CDK6: variants seen among roughly 807,000 people sequenced by gnomAD.
CDK6 encodes the protein cyclin dependent kinase 6.
A neutral mutation model predicts 37.1 loss-of-function variants in CDK6; 6 were observed. The observed-to-expected ratio is 0.16, with a 90% CI of 0.09 to 0.32. The LOEUF (loss-of-function observed/expected upper bound fraction) is 0.32, where lower values mean the gene tolerates loss of function less well. Among genes scored for constraint, CDK6 ranks in the 10% least tolerant of loss-of-function variants. The pLI, the probability that CDK6 is intolerant of heterozygous loss-of-function variation, is 1.00. For synonymous variants in CDK6, 160 were observed against 161.3 expected (o/e 0.99, Z 0.06); for missense variants, 224 against 418.9 (o/e 0.53, Z 4.06).
intron 4 of CDK6, chr7:92,701,933 C>T (rs561595674): frequency 3.9e-4 from 59 of 152,286 alleles, no homozygotes; most frequent in African/African-American, 1.1e-3. Flanking sequence ...TATTTTTGAG[C>T]ACATACTCGT....
At chr7:92,657,187 C>T (rs564009924) in intron 5 of CDK6, among the ~76,000 whole-genome samples, 1 of 152,168 alleles carries the variant, frequency 6.6e-6, no homozygotes, top group East Asian at 1.9e-4. Context: ...GGCTTCTGGA[C>T]CTCAAGCTGA....
At chr7:92,646,081 C>T (rs1346269486) in intron 5 of CDK6, among the ~76,000 whole-genome samples, 7 of 152,176 alleles carry the variant, frequency 4.6e-5, no homozygotes, top group African/African-American at 1.7e-4. Context: ...TAATGAAGTT[C>T]TTGTTAAATA....
Position 92,616,819 on chromosome 7 carries a change from G to A in CDK6, c.834+1253C>T, listed in dbSNP as rs1438524574. ...AAGCTGGGAAGAGGGTGGAGAGAAG[G>A]AGAACACCTTAGCCAAATGTGGGGG... On this transcript the variant is annotated intron_variant, in intron 7 of 7. Transcript: ENST00000424848. Among the ~76,000 whole-genome samples, 4 of 152,140 alleles carry A rather than the reference G, an allele frequency of 2.6e-5. No individual in the cohort carries two copies. In the South Asian group the frequency reaches 8.3e-4, roughly 32 times the overall value.
chr7:92,618,131 C>G lies in CDK6; in HGVS notation c.775G>C (p.Ala259Pro), dbSNP rs772153440. ...GTTACAAACTTCTCAATTGGTTGGG[C>G]AGATTTTGAATGAAAAGCCTGCCTG... ...LPRQAFHSKS[A>P]QPIEKFVTDI... The change falls in exon 7 of 8, where the codon GCC becomes CCC. Residue 259 changes from alanine to proline, a missense_variant. This residue lies in a region of CDK6 where 90 missense variants were observed against 136.2 expected (regional missense o/e 0.66). Coordinates refer to ENST00000424848, the MANE Select transcript of CDK6 (RefSeq NM_001145306.2). 1 of 1,614,154 alleles carries G rather than the reference C, an allele frequency of 6.2e-7. No individual in the cohort carries two copies. Among genetic ancestry groups the G allele is most frequent in the Non-Finnish European group, 8.5e-7 (1 of 1,179,998 alleles).
intron 4 of CDK6, among the ~76,000 whole-genome samples, chr7:92,695,352 T>C (rs1168457873): frequency 6.6e-6 from 1 of 151,804 alleles, no homozygotes; most frequent in Non-Finnish European, 1.5e-5. Context: ...ATAAGTGCTT[T>C]CATGTTTCCA....
At chr7:92,729,989 C>T (rs1648164633) in intron 3 of CDK6, among the ~76,000 whole-genome samples, 1 of 152,232 alleles carries the variant, frequency 6.6e-6, no homozygotes, top group Admixed American at 6.5e-5. Flanking sequence ...ATGAATCCTT[C>T]CGCCTTGGCC....
chr7:92,803,115 G>A (rs1382827420), intron 2 of CDK6, among the ~76,000 whole-genome samples: 1 of 152,044 alleles, frequency 6.6e-6, no homozygotes, highest in Non-Finnish European at 1.5e-5. Context: ...TACTGTATTT[G>A]TACATATCAT....
intron 3 of CDK6, among the ~76,000 whole-genome samples, chr7:92,758,524 T>C (rs1014654072): frequency 6.6e-6 from 1 of 152,172 alleles, no homozygotes; most frequent in African/African-American, 2.4e-5. Flanking sequence ...CGTGCTGCTT[T>C]GGTTACTGCA....
At chr7:92,630,279 A>ATTAT (rs3042470) in intron 5 of CDK6, among the ~76,000 whole-genome samples, 21,512 of 146,748 alleles carry the variant, frequency 0.15, 1,852 homozygotes, top group Admixed American at 0.2. Context: ...GCCAAATTAC[A>ATTAT]TTATTTATTT....
chr7:92,761,360 C>T (rs1380003684), intron 3 of CDK6, among the ~76,000 whole-genome samples: 2 of 152,118 alleles, frequency 1.3e-5, no homozygotes, highest in Non-Finnish European at 2.9e-5. Context: ...ACAGGCCACT[C>T]GTTTGGTATC....
At chr7:92,634,726 A>G (rs1286893586) in intron 5 of CDK6, among the ~76,000 whole-genome samples, 1 of 152,098 alleles carries the variant, frequency 6.6e-6, no homozygotes, top group Non-Finnish European at 1.5e-5. Flanking sequence ...CAAGTTTTAT[A>G]GTTTTCTTGA....
intron 4 of CDK6, among the ~76,000 whole-genome samples, chr7:92,707,470 A>G (rs1173579749): frequency 6.6e-6 from 1 of 152,224 alleles, no homozygotes; most frequent in Non-Finnish European, 1.5e-5. Context: ...CTCTTTGCCT[A>G]TATTTGAAAA....
chr7:92,655,894 C>G (rs73710428), intron 5 of CDK6, among the ~76,000 whole-genome samples: 2 of 152,250 alleles, frequency 1.3e-5, no homozygotes, highest in Admixed American at 6.5e-5. Flanking sequence ...CATACACACA[C>G]GCTCCTAAGC....
In CDK6 at chr7:92,833,461, C is replaced by A; in HGVS notation, c.-138G>T. 1.6e-6 allele frequency: 1 copy of A among 624,316 alleles called. No individual in the cohort carries two copies. Among genetic ancestry groups the A allele is most frequent in the Non-Finnish European group, 2.7e-6 (1 of 375,196 alleles). The allele number at this position is 624,316 out of a possible 1,614,324, so 38.7% of individuals were successfully genotyped here. On this transcript the variant is annotated 5_prime_UTR_variant, in exon 2 of 8. Transcript: ENST00000424848. This position sits in a 1 kb window ranked among gnomAD's most constrained non-coding sequence, Gnocchi z 6.1. ...TACTTGCTCCCCGCCGGCTCAGGCG[C>A]TCGGGCGCTGGGGCTTTCGCCGCTG...
Position 92,833,004 on chromosome 7 carries a change from G to T in CDK6, c.233+87C>A. Reference sequence around the variant, plus strand: ...GACCTCCCCAGTCGCCCTCTGCCCCGCACCTTTCTGGGCCTGAGGATTCCC... The same window carrying T: ...GACCTCCCCAGTCGCCCTCTGCCCCTCACCTTTCTGGGCCTGAGGATTCCC... On this transcript the variant is annotated intron_variant, in intron 2 of 7. Coordinates refer to ENST00000424848, the MANE Select transcript of CDK6 (RefSeq NM_001145306.2). The surrounding 1 kb of genome is among the most constrained non-coding windows in gnomAD (Gnocchi z 6.1). 1 of 942,456 alleles carries T rather than the reference G, an allele frequency of 1.1e-6. No individual in the cohort carries two copies. The highest frequency in any genetic ancestry group is 1.6e-6 in the Non-Finnish European group (1 of 622,644). The allele number at this position is 942,456 out of a possible 1,614,324, so 58.4% of individuals were successfully genotyped here.
chr7:92,736,025 GT>G (rs1182800175), intron 3 of CDK6, among the ~76,000 whole-genome samples: 2 of 152,076 alleles, frequency 1.3e-5, no homozygotes, highest in African/African-American at 4.8e-5. Context: ...AGAGCACTGG[GT>G]TTTGAGCTAA....
intron 3 of CDK6, among the ~76,000 whole-genome samples, chr7:92,755,694 G>A (rs1799299637): frequency 6.6e-6 from 1 of 152,158 alleles, no homozygotes; most frequent in Non-Finnish European, 1.5e-5. Context: ...AAGTGCATTA[G>A]ATATAAAAAG....
At chr7:92,622,988 A>G in intron 6 of CDK6, 48 bp downstream of exon 6, 2 of 1,168,772 alleles carry the variant, frequency 1.7e-6, no homozygotes, top group Non-Finnish European at 1.3e-6. Context: ...GTCACTGTAA[A>G]TGTTTTAATG....
chr7:92,704,410 T>C (rs1247303440), intron 4 of CDK6, among the ~76,000 whole-genome samples: 1 of 152,178 alleles, frequency 6.6e-6, no homozygotes, highest in Non-Finnish European at 1.5e-5. Context: ...CCCTCCTCTC[T>C]CTTTTGTTCT....
Sources: gnomAD v4.1 joint callset for allele counts (sites outside exome capture counted in the v4.1 genomes callset) on GRCh38, gnomAD v4.1.1 for gene constraint, gnomAD v4.1.1 regional missense constraint, Gnocchi (gnomAD v3.1) non-coding constraint, MANE v1.5 for transcripts, NCBI Gene and HGNC (gene_info 2026-07-23, HGNC 2026-07-21) for gene names.